The following NUCB1 variants were observed in gnomAD, a reference collection of about 807,000 sequenced individuals.
NUCB1 encodes nucleobindin-1.
Under a neutral mutation model 61.2 loss-of-function variants are expected in NUCB1, and 47 were observed. That is an observed-to-expected ratio of 0.77 (90% CI 0.61 to 0.98). The LOEUF is 0.98. Ranked by LOEUF, NUCB1 falls within the 50% of genes least tolerant of loss-of-function variation. NUCB1 has a pLI of 0.00. For synonymous variants in NUCB1, 234 were observed against 243.1 expected, an observed-to-expected ratio of 0.96 and a Z score of 0.35; for missense variants, 583 against 605.3, an observed-to-expected ratio of 0.96 and a Z score of 0.39.
At position 48,919,340 on chromosome 19, in the gene NUCB1, A is replaced by T; in HGVS notation, c.1002+54A>T. 3 of 1,391,886 alleles carry T rather than the reference A, an allele frequency of 2.2e-6. No individual in the cohort carries two copies. In the East Asian group the frequency reaches 6.9e-5, roughly 32 times the overall value. The allele number at this position is 1,391,886 out of a possible 1,614,324, so 86.2% of individuals were successfully genotyped here. On this transcript the variant is annotated intron_variant, in intron 10 of 12. Coordinates refer to ENST00000405315, the MANE Select transcript of NUCB1 (RefSeq NM_006184.6). Reference sequence around the variant, plus strand: ...TGAACCTCTCTCTCTTCTAGCCATGACCTTTCTTTCAGAATCTTAGGCCCC... The same window carrying T: ...TGAACCTCTCTCTCTTCTAGCCATGTCCTTTCTTTCAGAATCTTAGGCCCC...
intron 4 of NUCB1, 120 bp from the exon 5 acceptor site, chr19:48,911,029 T>C (rs2037465601): frequency 3.0e-6 from 2 of 674,936 alleles, no homozygotes; most frequent in South Asian, 1.8e-5. Flanking sequence ...TTGCCCCAGG[T>C]TCAAGCTGTC....
chr19:48,905,909 G>GT, intron 4 of NUCB1, 24 bp downstream of exon 4: 2 of 496,800 alleles, frequency 4.0e-6, no homozygotes, highest in Non-Finnish European at 7.9e-6. Flanking sequence ...GGGCGGGAGG[G>GT]ACAGGCAGGG....
intron 4 of NUCB1, among the ~76,000 whole-genome samples, chr19:48,909,046 A>G (rs944450522): frequency 2.0e-5 from 3 of 151,950 alleles, no homozygotes; most frequent in Non-Finnish European, 1.5e-5. Context: ...TGACTGTCTC[A>G]TGGCCTGCAG....
At chr19:48,900,469 G>A (rs1198125121) in intron 1 of NUCB1, 97 bp downstream of exon 1, 3 of 373,216 alleles carry the variant, frequency 8.0e-6, no homozygotes, top group Non-Finnish European at 1.5e-5. Context: ...CTGGGTGCCA[G>A]TACTTTAGGT....
intron 3 of NUCB1, among the ~76,000 whole-genome samples, chr19:48,905,458 G>A (rs1057067935): frequency 2.0e-5 from 3 of 152,226 alleles, no homozygotes; most frequent in Middle Eastern, 3.4e-3. Flanking sequence ...GGCTGATCTT[G>A]AGATCCTCCC....
At chr19:48,912,799 G>C (rs2037489447) in intron 5 of NUCB1, among the ~76,000 whole-genome samples, 1 of 144,962 alleles carries the variant, frequency 6.9e-6, no homozygotes, top group African/African-American at 2.7e-5. Flanking sequence ...AGCAGAGATT[G>C]TGCCACCGCA....
chr19:48,907,962 A>G (rs982337890), intron 4 of NUCB1, among the ~76,000 whole-genome samples: 4 of 152,186 alleles, frequency 2.6e-5, no homozygotes, highest in African/African-American at 4.8e-5. Context: ...TGCCTGGTCC[A>G]TGGACCTTCC....
intron 5 of NUCB1, 149 bp from the exon 6 acceptor site, chr19:48,912,862 A>G (rs970418543): frequency 2.3e-5 from 9 of 399,400 alleles, no homozygotes; most frequent in Non-Finnish European, 3.1e-5. Context: ...AAAAAAAAAA[A>G]GGGACATTAG....
chr19:48,915,646 C>T (rs922636823), intron 7 of NUCB1, among the ~76,000 whole-genome samples: 12 of 152,074 alleles, frequency 7.9e-5, no homozygotes, highest in Non-Finnish European at 1.5e-4. Flanking sequence ...ACCACAGGCA[C>T]GTACCACTAT....
intron 2 of NUCB1, chr19:48,901,193 T>C (rs1400790896): frequency 1.0e-5 from 6 of 594,830 alleles, no homozygotes; most frequent in Admixed American, 6.1e-5. Context: ...AAGAAGGAAT[T>C]TGAAAACAAA....
At chr19:48,921,015 C>T (rs752711398) in intron 10 of NUCB1, 139 bp from the exon 11 acceptor site, 4 of 810,332 alleles carry the variant, frequency 4.9e-6, no homozygotes, top group African/African-American at 1.7e-5. Flanking sequence ...TCCCACCTCC[C>T]ACTTGGGCTT....
At chr19:48,917,023 C>T (rs1487525439) in intron 7 of NUCB1, among the ~76,000 whole-genome samples, 1 of 152,032 alleles carries the variant, frequency 6.6e-6, no homozygotes, top group Non-Finnish European at 1.5e-5. Flanking sequence ...AGTTCAAGAC[C>T]AGCCTGGGCA....
chr19:48,901,009 G>T, intron 2 of NUCB1, 78 bp downstream of exon 2: 3 of 1,560,444 alleles, frequency 1.9e-6, no homozygotes, highest in Non-Finnish European at 1.8e-6. Flanking sequence ...TGCCCGTAGG[G>T]CGGATGCTCC....
At chr19:48,921,755 G>C in intron 11 of NUCB1, 72 bp from the exon 12 acceptor site, 3 of 1,437,160 alleles carry the variant, frequency 2.1e-6, no homozygotes, top group Admixed American at 1.7e-5. Flanking sequence ...TCTCCGTTTG[G>C]GGACTGAGGC....
intron 11 of NUCB1, 36 bp from the exon 12 acceptor site, chr19:48,921,791 C>G (rs753762674): frequency 6.3e-7 from 1 of 1,593,126 alleles, no homozygotes; most frequent in South Asian, 1.1e-5. Context: ...GCCAGCATCA[C>G]ACCCTCTTGT....
intron 4 of NUCB1, among the ~76,000 whole-genome samples, chr19:48,907,927 C>G: frequency 6.6e-6 from 1 of 152,188 alleles, no homozygotes; most frequent in Admixed American, 6.6e-5. Flanking sequence ...CCCGCTCTCC[C>G]GTGACATTCT....
In NUCB1 at chr19:48,911,270, G is replaced by A. The variant is rs372469561; in HGVS notation, c.480+18G>A. The A allele has an allele frequency of 7.1e-5, 111 of 1,567,580 alleles. No individual in the cohort carries two copies. Among genetic ancestry groups the A allele is most frequent in the South Asian group, 4.4e-5 (4 of 89,992 alleles). ...TCCAGACGGTAATGGGAGTGGGTCCGGAGGCAGAGGATTGAGGGTAGCTTT... is the reference window on the plus strand; with the variant it reads ...TCCAGACGGTAATGGGAGTGGGTCCAGAGGCAGAGGATTGAGGGTAGCTTT... On this transcript the variant is annotated intron_variant, in intron 5 of 12. Transcript: ENST00000405315.
chr19:48,921,726 TTA>T, intron 11 of NUCB1, 99 bp from the exon 12 acceptor site: 1 of 1,128,486 alleles, frequency 8.9e-7, no homozygotes, highest in Non-Finnish European at 1.3e-6. Context: ...CCGTGACCAC[TTA>T]GCAGGCTGCT....
At chr19:48,904,323 C>T (rs776991134) in intron 2 of NUCB1, 24 bp from the exon 3 acceptor site, 1 of 1,506,920 alleles carries the variant, frequency 6.6e-7, no homozygotes, top group Non-Finnish European at 9.2e-7. Context: ...GCAGGGGCTG[C>T]TATGTCTGTC....
Sources: allele counts gnomAD v4.1 joint callset (sites outside exome capture counted in the v4.1 genomes callset), GRCh38; gene constraint gnomAD v4.1.1; transcripts MANE v1.5; gene names NCBI Gene and HGNC (gene_info 2026-07-23, HGNC 2026-07-21).